Variants in FAT3 observed in about 807,000 individuals in gnomAD.
The protein encoded by FAT3 is FAT atypical cadherin 3.
A neutral mutation model predicts 310.2 loss-of-function variants in FAT3; 95 were observed. That is an observed-to-expected ratio of 0.31 (90% CI 0.26 to 0.36). FAT3 has a LOEUF of 0.36. Ranked by LOEUF, FAT3 falls within the 10% of genes least tolerant of loss-of-function variation. The pLI, the probability that FAT3 is intolerant of heterozygous loss-of-function variation, is 1.00. For synonymous variants in FAT3, 2,314 were observed against 2,192.9 expected, an observed-to-expected ratio of 1.06 and a Z score of -1.54; for missense variants, 5,408 against 5,715.6, an observed-to-expected ratio of 0.95 and a Z score of 1.74.
intron 2 of FAT3, among the ~76,000 whole-genome samples, chr11:92,382,488 G>A (rs1323631434): frequency 6.6e-6 from 1 of 152,092 alleles, no homozygotes; most frequent in Non-Finnish European, 1.5e-5. Flanking sequence ...TTCCTTTCCT[G>A]ACGGGAGATC....
At chr11:92,614,794 G>A (rs774729251) in intron 3 of FAT3, among the ~76,000 whole-genome samples, 3 of 152,056 alleles carry the variant, frequency 2.0e-5, no homozygotes, top group Admixed American at 6.6e-5. Flanking sequence ...TCTAACTCAA[G>A]GTCACAAAGA....
chr11:92,739,531 C>T (rs1230035279), intron 4 of FAT3, among the ~76,000 whole-genome samples: 1 of 152,158 alleles, frequency 6.6e-6, no homozygotes, highest in Non-Finnish European at 1.5e-5. Context: ...TGTTATATGA[C>T]AAGACTTCGC....
rs745323727 is a variant in FAT3 at position 92,882,904 on chromosome 11, G to T, written c.12448G>T (p.Val4150Leu). The T allele has an allele frequency of 1.2e-6, 2 of 1,612,816 alleles. No homozygotes were observed. The highest frequency in any genetic ancestry group is 1.7e-6 in the Non-Finnish European group (2 of 1,179,496). ...VPNIQAGHSY[V>L]GKEELIGIAV... ...CAATATCCAGGCTGGCCACTCCTAC[G>T]TGGGGAAGGAGGAGCTCATCGGCAT... is the stretch of plus-strand genomic sequence containing the variant. The change falls in exon 24 of 28, where the codon GTG becomes TTG. Residue 4150 changes from valine (V) to leucine (L), a missense_variant. Physicochemically the swap from Val to Leu is conservative, Grantham distance 32 (BLOSUM62 1). Coordinates refer to ENST00000525166, the MANE Select transcript of FAT3 (RefSeq NM_001367949.2).
intron 24 of FAT3, 50 bp from the exon 25 acceptor site, chr11:92,886,950 G>A: frequency 6.9e-7 from 1 of 1,458,194 alleles, no homozygotes; most frequent in Non-Finnish European, 9.4e-7. Context: ...CTGGAAATAG[G>A]CACAAGGTAA....
chr11:92,263,526 G>A (rs373577309), intron 1 of FAT3, among the ~76,000 whole-genome samples: 9 of 151,918 alleles, frequency 5.9e-5, no homozygotes, highest in Non-Finnish European at 1.2e-4. Flanking sequence ...TCTTTCTGAT[G>A]TGAAGATTAC....
chr11:92,731,373 C>T (rs1945172704), intron 4 of FAT3, among the ~76,000 whole-genome samples: 1 of 152,122 alleles, frequency 6.6e-6, no homozygotes, highest in Middle Eastern at 3.2e-3. Flanking sequence ...TCCTACAGGA[C>T]AGCCCCCACA....
intron 4 of FAT3, among the ~76,000 whole-genome samples, chr11:92,712,118 AG>A (rs1408847280): frequency 6.6e-6 from 1 of 152,202 alleles, no homozygotes; most frequent in Non-Finnish European, 1.5e-5. Flanking sequence ...AAAGAGGGAA[AG>A]GATCCAAACC....
chr11:92,557,255 G>A (rs1955055217), intron 3 of FAT3, among the ~76,000 whole-genome samples: 1 of 151,836 alleles, frequency 6.6e-6, no homozygotes, highest in Non-Finnish European at 1.5e-5. Context: ...TACCTTCACG[G>A]TACCTCACTA....
At chr11:92,375,478 T>C (rs546365015) in intron 2 of FAT3, among the ~76,000 whole-genome samples, 1 of 152,230 alleles carries the variant, frequency 6.6e-6, no homozygotes, top group Non-Finnish European at 1.5e-5. Context: ...AAGGATTCTT[T>C]GGAGGCTTGA....
At chr11:92,313,610 A>C (rs1947363383) in intron 1 of FAT3, among the ~76,000 whole-genome samples, 1 of 152,172 alleles carries the variant, frequency 6.6e-6, no homozygotes, top group South Asian at 2.1e-4. Flanking sequence ...CCCAGGCTAG[A>C]GTGCAGTGGT....
chr11:92,868,858 G>A (rs761324382), intron 22 of FAT3, among the ~76,000 whole-genome samples: 1 of 152,256 alleles, frequency 6.6e-6, no homozygotes, highest in East Asian at 1.9e-4. Flanking sequence ...AAATGGCTAC[G>A]ACCCACATGG....
At chr11:92,839,884 A>G (rs532704693) in intron 17 of FAT3, among the ~76,000 whole-genome samples, 1 of 152,360 alleles carries the variant, frequency 6.6e-6, no homozygotes, top group East Asian at 1.9e-4. Flanking sequence ...GTTCTGCAAA[A>G]TAATGCTTAT....
chr11:92,489,200 G>C (rs887714728), intron 2 of FAT3, among the ~76,000 whole-genome samples: 1 of 152,086 alleles, frequency 6.6e-6, no homozygotes. Context: ...AATTCCATGA[G>C]AATGAGAACC....
chr11:92,832,037 A>T, intron 14 of FAT3, 26 bp downstream of exon 14: 2 of 1,509,232 alleles, frequency 1.3e-6, no homozygotes, highest in Non-Finnish European at 1.8e-6. Flanking sequence ...TGTACTTAGA[A>T]TACAGAGCTT....
rs542584398 is a variant in FAT3, at chr11:92,839,806, T to G, written c.10369-756T>G. 5.3e-5 allele frequency among the ~76,000 whole-genome samples: 8 copies of G among 152,336 alleles called. No homozygotes were observed. In the South Asian group the frequency reaches 1.7e-3, roughly 32 times the overall value. On this transcript the variant is annotated intron_variant, in intron 17 of 27. Coordinates refer to ENST00000525166, the MANE Select transcript of FAT3 (RefSeq NM_001367949.2). ...CTACAGAGGATTTAATTTGCCGTTT[T>G]CAACGTGAGGATGACCTTTGACCCA...
chr11:92,625,904 G>T (rs2135684129), intron 3 of FAT3, among the ~76,000 whole-genome samples: 1 of 152,294 alleles, frequency 6.6e-6, no homozygotes, highest in Admixed American at 6.5e-5. Context: ...TGGACAGGGT[G>T]ACTTCCTGGG....
intron 2 of FAT3, among the ~76,000 whole-genome samples, chr11:92,382,519 A>G (rs981038659): frequency 2.6e-5 from 4 of 152,174 alleles, no homozygotes; most frequent in African/African-American, 7.2e-5. Flanking sequence ...CCTGCCTCGT[A>G]AGAGGGACCC....
rs549002835 is a variant in FAT3, at chr11:92,248,062, G to T, written c.-18+22888G>T. On this transcript the variant is annotated intron_variant, in intron 1 of 27. Coordinates refer to ENST00000525166, the MANE Select transcript of FAT3 (RefSeq NM_001367949.2). ...ATGAACATTTAAGAAGTATTTAAAA[G>T]AAATGATTAAAATGGTTTCCCCATA... Among the ~76,000 whole-genome samples the T allele has an allele frequency of 6.5e-4, 99 of 152,164 alleles. 1 individual carries two copies. Among genetic ancestry groups the T allele is most frequent in the Non-Finnish European group, 1.2e-3 (79 of 67,968 alleles).
In FAT3 at chr11:92,224,844, G is replaced by C. The variant is rs1300522535; in HGVS notation, c.-348G>C. Among the ~76,000 whole-genome samples the C allele has an allele frequency of 6.6e-6, 1 of 152,064 alleles. No individual in the cohort carries two copies. The highest frequency in any genetic ancestry group is 6.5e-5 in the Admixed American group (1 of 15,276). ...GTAGCGGCGGCGGCTGCAGCTCGGA[G>C]CAGACAGGAGAGCCGGCGCTCCTCC... On this transcript the variant is annotated 5_prime_UTR_variant, in exon 1 of 28. Coordinates refer to ENST00000525166, the MANE Select transcript of FAT3 (RefSeq NM_001367949.2).
Sources: allele counts gnomAD v4.1 joint callset (sites outside exome capture counted in the v4.1 genomes callset), GRCh38; gene constraint gnomAD v4.1.1; transcripts MANE v1.5; gene names NCBI Gene and HGNC (gene_info 2026-07-23, HGNC 2026-07-21).